Variants in MSH6 observed in about 807,000 individuals in gnomAD.
The protein encoded by MSH6 is DNA mismatch repair protein Msh6.
A neutral mutation model predicts 119.1 loss-of-function variants in MSH6; 85 were observed. That is an observed-to-expected ratio of 0.71 (90% CI 0.60 to 0.85). The LOEUF is 0.85. Ranked by LOEUF, MSH6 falls within the 40% of genes least tolerant of loss-of-function variation. The probability of loss-of-function intolerance (pLI) is 0.00; values close to 1 mark genes in which losing one functional copy is unlikely to be tolerated. For synonymous variants in MSH6, 830 were observed against 586.9 expected (o/e 1.41, Z -5.99); for missense variants, 2,163 against 1,655.3 (o/e 1.31, Z -5.32).
rs10699372 is a variant in MSH6, at chr2:47,795,422, A to ATGTGTG, written c.458-450_458-445dup. Among the ~76,000 whole-genome samples the ATGTGTG allele has an allele frequency of 9.1e-3, 1,285 of 141,700 alleles. 17 individuals are homozygous for ATGTGTG. The highest frequency in any genetic ancestry group is 0.02 in the South Asian group (89 of 4,512). 93.0% of individuals were successfully genotyped at this position (141,700 alleles called of 152,430 possible). A position where few individuals can be genotyped will look rare whatever the true frequency, so the allele number is the denominator to read the frequency against. Reference sequence around the variant, plus strand: ...AAGTGTCCAGCCAACAAGTTATTTTATGTGTGTGTGTGTGTGTGTGTGTGT... The same window carrying ATGTGTG: ...AAGTGTCCAGCCAACAAGTTATTTTATGTGTGTGTGTGTGTGTGTGTGTGTGTGTGT... On this transcript the variant is annotated intron_variant, in intron 2 of 9. Transcript: ENST00000234420.
intron 5 of MSH6, 74 bp downstream of exon 5, chr2:47,803,759 T>C: frequency 6.4e-7 from 1 of 1,572,106 alleles, no homozygotes; most frequent in Non-Finnish European, 8.7e-7. Context: ...GGTGATCATT[T>C]TCCAAACACA....
chr2:47,784,935 C>G (rs1042034328), intron 1 of MSH6: 1 of 151,874 alleles, frequency 6.6e-6, no homozygotes, highest in East Asian at 1.9e-4. Context: ...AGAGATTATC[C>G]TGCCTCAGCC....
Position 47,783,153 on chromosome 2 carries a change from C to G in MSH6, c.-81C>G. The G allele has an allele frequency of 1.3e-6, 2 of 1,579,718 alleles. No individual in the cohort carries two copies. The highest frequency in any genetic ancestry group is 1.7e-6 in the Non-Finnish European group (2 of 1,161,908). The stretch of plus-strand genomic sequence containing the variant: ...GGAGCGCGCCTCCCCCCAGATTTCC[C>G]GCCAGCAGGAGCCGCGCGGTAGATG... On this transcript the variant is annotated 5_prime_UTR_variant, in exon 1 of 10. Coordinates refer to ENST00000234420, the MANE Select transcript of MSH6 (RefSeq NM_000179.3).
rs1553412649 is a variant in MSH6, at chr2:47,799,204, TC to T, written c.1223del (p.Pro408LeufsTer3). 1 of 1,614,190 alleles carries T rather than the reference TC, an allele frequency of 6.2e-7. No homozygotes were observed. On this transcript the variant is annotated frameshift_variant, in exon 4 of 10. Coordinates refer to ENST00000234420, the MANE Select transcript of MSH6 (RefSeq NM_000179.3). LOFTEE classifies it high-confidence loss of function. ...CTGAGGATTTCCTCAATTCTTGTACTCCTGGGATGAGGAAGTGGTGGCAGAT... is the reference window on the plus strand; with the variant it reads ...CTGAGGATTTCCTCAATTCTTGTACTCTGGGATGAGGAAGTGGTGGCAGAT... ...VPEDFLNSCT[P>X]GMRKWWQIKS... is the part of the protein sequence containing the mutation.
chr2:47,809,965 T>C (rs1670501820), downstream of MSH6: 2 of 499,628 alleles, frequency 4.0e-6, no homozygotes, highest in Non-Finnish European at 7.0e-6. Context: ...GGATTTCATT[T>C]GCATCCATTT....
chr2:47,795,103 T>A (rs1442831498), intron 2 of MSH6, among the ~76,000 whole-genome samples: 1 of 152,112 alleles, frequency 6.6e-6, no homozygotes, highest in Non-Finnish European at 1.5e-5. Flanking sequence ...AGTAAGTTTT[T>A]AAGAAAGATT....
In MSH6 at chr2:47,783,376, C is replaced by A; in HGVS notation, c.143C>A (p.Ala48Glu). The stretch of plus-strand genomic sequence containing the variant: ...GCCTCTCCTTCCCCAGGCGGGGATG[C>A]GGCCTGGAGCGAGGCTGGGCCTGGG... ...PGASPSPGGD[A>E]AWSEAGPGPR... is the part of the protein sequence containing the mutation. Residue 48 changes from alanine to glutamate, a missense_variant, in exon 1 of 10, where the codon GCG becomes GAG. Coordinates refer to ENST00000234420, the MANE Select transcript of MSH6 (RefSeq NM_000179.3). 1 of 1,593,390 alleles carries A rather than the reference C, an allele frequency of 6.3e-7. No homozygotes were observed. The highest frequency in any genetic ancestry group is 8.5e-7 in the Non-Finnish European group (1 of 1,169,968).
At chr2:47,801,946 A>G (rs112831378) in intron 4 of MSH6, among the ~76,000 whole-genome samples, 8 of 152,136 alleles carry the variant, frequency 5.3e-5, no homozygotes, top group Non-Finnish European at 1.2e-4. Context: ...TCCCGGCCCA[A>G]AAGATTTTTA....
At chr2:47,789,067 A>G (rs1321726732) in intron 1 of MSH6, among the ~76,000 whole-genome samples, 2 of 150,400 alleles carry the variant, frequency 1.3e-5, no homozygotes, top group Admixed American at 6.7e-5. Flanking sequence ...CTGGGATTAT[A>G]GGCCTCTGCC....
At chr2:47,787,912 T>G (rs189670101) in intron 1 of MSH6, among the ~76,000 whole-genome samples, 241 of 152,240 alleles carry the variant, frequency 1.6e-3, no homozygotes, top group Non-Finnish European at 2.7e-3. Flanking sequence ...CTGGCCTATT[T>G]TGGCATTCTT....
chr2:47,788,551 C>A (rs183119446), intron 1 of MSH6, among the ~76,000 whole-genome samples: 5 of 145,844 alleles, frequency 3.4e-5, no homozygotes, highest in African/African-American at 1.0e-4. Context: ...CCGTGCCCAG[C>A]CTTTTTCTTT....
Position 47,803,643 on chromosome 2 carries a change from T to A in MSH6, c.3396T>A (p.Val1132=), listed in dbSNP as rs1026907245. The part of the protein sequence containing the change: ...QENGKAYCVL[V]TGPNMGGKST... The stretch of plus-strand genomic sequence containing the variant: ...ATGGCAAAGCCTATTGTGTGCTTGT[T>A]ACTGGACCAAATATGGGGGGCAAGT... Residue 1132 remains valine, a synonymous_variant, in exon 5 of 10, where the codon GTT becomes GTA. Coordinates refer to ENST00000234420, the MANE Select transcript of MSH6 (RefSeq NM_000179.3). 3 of 1,614,110 alleles carry A rather than the reference T, an allele frequency of 1.9e-6. No individual in the cohort carries two copies. Among genetic ancestry groups the A allele is most frequent in the African/African-American group, 2.7e-5 (2 of 74,942 alleles).
At chr2:47,783,932 G>C (rs1403783017) in intron 1 of MSH6, 1 of 1,028,688 alleles carries the variant, frequency 9.7e-7, no homozygotes. Context: ...AAGGAGGAAT[G>C]CCTGCGGGAG....
rs753034685 is a variant in MSH6, at chr2:47,800,840, G to A, written c.2857G>A (p.Glu953Lys). 1.9e-6 allele frequency: 3 copies of A among 1,614,070 alleles called. No homozygotes were observed. The change falls in exon 4 of 10, where the codon GAA becomes AAA. Residue 953 changes from glutamate to lysine, a missense_variant. Physicochemically the swap from Glu to Lys is moderately conservative, Grantham distance 56. Transcript: ENST00000234420. ...DIRENEQSLL[E>K]YLEKQRNRIG... ...AAGAGAAAATGAACAGAGCCTCCTG[G>A]AATACCTAGAGAAACAGCGCAACAG... is the stretch of plus-strand genomic sequence containing the variant.
chr2:47,798,194 A>G (rs112779348), intron 3 of MSH6: 152 of 175,916 alleles, frequency 8.6e-4, no homozygotes, highest in African/African-American at 3.4e-3. Flanking sequence ...AGAGGTTTCT[A>G]ATTTCTAGAG....
intron 2 of MSH6, among the ~76,000 whole-genome samples, chr2:47,792,614 A>T (rs140879303): frequency 1.3e-5 from 2 of 152,136 alleles, no homozygotes; most frequent in Admixed American, 1.3e-4. Context: ...TCGGCCTCCC[A>T]AAGTGCTGAG....
chr2:47,806,734 A>C, intron 9 of MSH6, 45 bp from the exon 10 acceptor site: 1 of 1,551,576 alleles, frequency 6.4e-7, no homozygotes, highest in Non-Finnish European at 8.8e-7. Flanking sequence ...ATGATGCACT[A>C]TGAAAAAACA....
In MSH6 at chr2:47,798,897, C is replaced by G. The variant is rs2104306041; in HGVS notation, c.914C>G (p.Thr305Ser). 6.2e-7 allele frequency: 1 copy of G among 1,614,152 alleles called. No individual in the cohort carries two copies. Residue 305 changes from threonine (T) to serine (S), a missense_variant, in exon 4 of 10, where the codon ACT becomes AGT. Thr to Ser is a moderately conservative substitution (Grantham distance 58). Coordinates refer to ENST00000234420, the MANE Select transcript of MSH6 (RefSeq NM_000179.3). Reference protein sequence around the residue: ...KVARKRKRMVTGNGSLKRKSS... With the variant: ...KVARKRKRMVSGNGSLKRKSS... ...GCTCGAAAGCGGAAGAGAATGGTGA[C>G]TGGAAATGGCTCTCTTAAAAGGAAA...
intron 2 of MSH6, among the ~76,000 whole-genome samples, chr2:47,794,110 G>A (rs1315068661): frequency 5.3e-5 from 8 of 150,926 alleles, no homozygotes; most frequent in Non-Finnish European, 1.2e-4. Context: ...GGAGACTAAG[G>A]TAGGTGGATC....
Sources: allele counts gnomAD v4.1 joint callset (sites outside exome capture counted in the v4.1 genomes callset), GRCh38; gene constraint gnomAD v4.1.1; transcripts MANE v1.5; gene names NCBI Gene and HGNC (gene_info 2026-07-23, HGNC 2026-07-21).